The following CCDC91 variants were observed in gnomAD, a reference collection of about 807,000 sequenced individuals.
CCDC91 encodes the protein coiled-coil domain-containing protein 91.
In CCDC91, 48 loss-of-function variants were observed where a neutral mutation model predicts 63.2. The ratio of observed to expected loss-of-function variants is 0.76; its 90% confidence interval spans 0.60 to 0.97. CCDC91 has a LOEUF of 0.97. Among genes scored for constraint, CCDC91 ranks in the 50% least tolerant of loss-of-function variants. The pLI is 0.00. For missense variants in CCDC91, 500 were observed against 494.6 expected, an observed-to-expected ratio of 1.01 and a Z score of -0.10; for synonymous variants, 167 against 165.8, an observed-to-expected ratio of 1.01 and a Z score of -0.06.
intron 1 of CCDC91, among the ~76,000 whole-genome samples, chr12:28,252,863 T>C (rs189799776): frequency 2.6e-5 from 4 of 152,322 alleles, no homozygotes; most frequent in Non-Finnish European, 4.4e-5. Context: ...TATATAATGC[T>C]TAGAATGTAT....
Position 28,396,446 on chromosome 12 carries a change from C to A in CCDC91, c.762+5035C>A, listed in dbSNP as rs191079879. Among the ~76,000 whole-genome samples, 391 of 152,028 alleles carry A rather than the reference C, an allele frequency of 2.6e-3. 1 individual carries two copies. The highest frequency in any genetic ancestry group is 9.0e-3 in the African/African-American group (371 of 41,448). ...CTGTGGCTAAAGTATAAAAATTGAT[C>A]GGAGGGAATATTAGTAGCATGTAAA... On this transcript the variant is annotated intron_variant, in intron 8 of 12. Transcript: ENST00000536442.
intron 11 of CCDC91, among the ~76,000 whole-genome samples, chr12:28,481,677 T>C (rs578057032): frequency 3.3e-5 from 5 of 152,134 alleles, no homozygotes; most frequent in East Asian, 3.9e-4. Context: ...TTTACTTTTA[T>C]ATAACATTCA....
chr12:28,420,922 A>G (rs758303814), intron 8 of CCDC91, among the ~76,000 whole-genome samples: 1 of 152,128 alleles, frequency 6.6e-6, no homozygotes, highest in Non-Finnish European at 1.5e-5. Context: ...TATTGTCAGA[A>G]CTTAGTTTAT....
At chr12:28,327,880 A>G (rs1042954677) in intron 6 of CCDC91, among the ~76,000 whole-genome samples, 13 of 152,138 alleles carry the variant, frequency 8.5e-5, no homozygotes, top group Non-Finnish European at 1.5e-4. Flanking sequence ...AGGTTTGGTC[A>G]TAATAGGGAA....
In CCDC91 at chr12:28,252,476, CT is replaced by C. The variant is rs1218783184; in HGVS notation, c.-14-4720del. Among the ~76,000 whole-genome samples, 5 of 151,666 alleles carry C rather than the reference CT, an allele frequency of 3.3e-5. No individual in the cohort carries two copies. In the East Asian group the frequency reaches 9.7e-4, roughly 29 times the overall value. On this transcript the variant is annotated intron_variant, in intron 1 of 12. Coordinates refer to ENST00000536442, the MANE Select transcript of CCDC91 (RefSeq NM_018318.5). Reference sequence around the variant, plus strand: ...TGACTTCCCATTTTTTTCTCTTATACTTTTTTAAAAGAAAATTTCCTTAATT... The same window carrying C: ...TGACTTCCCATTTTTTTCTCTTATACTTTTTAAAAGAAAATTTCCTTAATT...
At chr12:28,522,489 G>A (rs549234621) in intron 12 of CCDC91, among the ~76,000 whole-genome samples, 69 of 151,954 alleles carry the variant, frequency 4.5e-4, no homozygotes, top group Non-Finnish European at 2.2e-4. Flanking sequence ...TGTTGATAGC[G>A]GTCTATCAAT....
chr12:28,342,589 T>C (rs1942508214), intron 6 of CCDC91, among the ~76,000 whole-genome samples: 1 of 152,116 alleles, frequency 6.6e-6, no homozygotes, highest in Non-Finnish European at 1.5e-5. Flanking sequence ...TGTCATGGGA[T>C]TGATGCAGTT....
intron 12 of CCDC91, among the ~76,000 whole-genome samples, chr12:28,522,229 A>G (rs935809699): frequency 1.3e-5 from 2 of 152,014 alleles, no homozygotes; most frequent in African/African-American, 4.8e-5. Context: ...GTAAACTATT[A>G]ATTATTGCCT....
chr12:28,201,122 C>T (rs9885089), intron 1 of CCDC91, among the ~76,000 whole-genome samples: 10 of 146,938 alleles, frequency 6.8e-5, no homozygotes, highest in Non-Finnish European at 1.2e-4. Flanking sequence ...GCTGGCCGGG[C>T]GGGGGGCTGA....
At chr12:28,311,274 C>A (rs542733171) in intron 6 of CCDC91, among the ~76,000 whole-genome samples, 14 of 152,090 alleles carry the variant, frequency 9.2e-5, no homozygotes, top group African/African-American at 3.4e-4. Flanking sequence ...TCCACGGGTG[C>A]CTTACTGTGA....
intron 11 of CCDC91, among the ~76,000 whole-genome samples, chr12:28,482,053 A>G (rs1951475645): frequency 6.6e-6 from 1 of 151,896 alleles, no homozygotes; most frequent in Non-Finnish European, 1.5e-5. Flanking sequence ...TTTGTAACTC[A>G]CCTGTTAGCA....
At chr12:28,326,132 C>T (rs140118883) in intron 6 of CCDC91, among the ~76,000 whole-genome samples, 1,837 of 152,046 alleles carry the variant, frequency 0.012, 32 homozygotes, top group African/African-American at 0.038. Context: ...GTATTTTTCC[C>T]TCCAGTGGAC....
intron 6 of CCDC91, among the ~76,000 whole-genome samples, chr12:28,356,364 G>C (rs1407221214): frequency 6.6e-6 from 1 of 152,000 alleles, no homozygotes; most frequent in Non-Finnish European, 1.5e-5. Context: ...ATGCACATAT[G>C]GTATAATCTT....
rs118122292 is a variant in CCDC91, at chr12:28,336,796, C to T, written c.577-25642C>T. Among the ~76,000 whole-genome samples the T allele has an allele frequency of 7.1e-3, 1,077 of 152,072 alleles. 5 individuals carry two copies. Among genetic ancestry groups the T allele is most frequent in the Non-Finnish European group, 0.012 (795 of 67,932 alleles). On this transcript the variant is annotated intron_variant, in intron 6 of 12. Coordinates refer to ENST00000536442, the MANE Select transcript of CCDC91 (RefSeq NM_018318.5). The stretch of plus-strand genomic sequence containing the variant: ...CTGCCCCTAATGTAATATTCCCATT[C>T]CTGAAAGTAGAGAGGAAAAAAAGTA...
intron 12 of CCDC91, among the ~76,000 whole-genome samples, chr12:28,534,621 G>A (rs937733217): frequency 6.6e-6 from 1 of 152,074 alleles, no homozygotes; most frequent in Non-Finnish European, 1.5e-5. Context: ...TCAATCCTTC[G>A]ATTGCTGATC....
At chr12:28,461,350 C>CT (rs1950303300) in intron 11 of CCDC91, among the ~76,000 whole-genome samples, 1 of 151,990 alleles carries the variant, frequency 6.6e-6, no homozygotes, top group Non-Finnish European at 1.5e-5. Flanking sequence ...CCTTTCTACA[C>CT]TATGGATATC....
intron 8 of CCDC91, among the ~76,000 whole-genome samples, chr12:28,410,524 G>C (rs1432698183): frequency 6.6e-6 from 1 of 151,908 alleles, no homozygotes; most frequent in Non-Finnish European, 1.5e-5. Context: ...TTGTTTGTTT[G>C]TTTGTTTGTT....
At chr12:28,429,409 C>G (rs1948508212) in intron 8 of CCDC91, among the ~76,000 whole-genome samples, 1 of 152,106 alleles carries the variant, frequency 6.6e-6, no homozygotes, top group Non-Finnish European at 1.5e-5. Flanking sequence ...TTTCAATGTA[C>G]CAGGCAACAT....
At chr12:28,208,166 A>T (rs925661813) in intron 1 of CCDC91, among the ~76,000 whole-genome samples, 1 of 152,206 alleles carries the variant, frequency 6.6e-6, no homozygotes, top group Non-Finnish European at 1.5e-5. Context: ...TCCATCTTTC[A>T]TGAACCTCCT....
Sources: allele counts gnomAD v4.1 joint callset (sites outside exome capture counted in the v4.1 genomes callset), GRCh38; gene constraint gnomAD v4.1.1; transcripts MANE v1.5; gene names NCBI Gene and HGNC (gene_info 2026-07-23, HGNC 2026-07-21).